The following MFSD8 variants were observed in gnomAD, a reference collection of about 807,000 sequenced individuals.
MFSD8 encodes major facilitator superfamily domain-containing protein 8.
Under a neutral mutation model 66.4 loss-of-function variants are expected in MFSD8, and 55 were observed. The observed-to-expected ratio is 0.83, with a 90% CI of 0.67 to 1.04. The LOEUF is 1.04. Ranked by LOEUF, MFSD8 falls within the 50% of genes least tolerant of loss-of-function variation. The pLI is 0.00. For missense variants in MFSD8, 550 were observed against 627.6 expected, an observed-to-expected ratio of 0.88 and a Z score of 1.32; for synonymous variants, 202 against 212.8, an observed-to-expected ratio of 0.95 and a Z score of 0.44.
intron 7 of MFSD8, chr4:127,934,610 T>C (rs1232593916): frequency 6.8e-6 from 1 of 147,838 alleles, no homozygotes; most frequent in Non-Finnish European, 1.5e-5. Flanking sequence ...GGACGGAGTC[T>C]TGCTCTGTTG....
At chr4:127,938,867 C>G in intron 6 of MFSD8, 29 bp from the exon 7 acceptor site, 3 of 1,537,568 alleles carry the variant, frequency 2.0e-6, no homozygotes, top group Non-Finnish European at 2.7e-6. Context: ...AATATTGTAC[C>G]TATAAAATGC....
chr4:127,933,621 TA>T (rs2148884519), intron 7 of MFSD8: 1 of 153,830 alleles, frequency 6.5e-6, no homozygotes, highest in Admixed American at 6.4e-5. Context: ...TCCCCAGAGA[TA>T]TACTTCAATC....
At chr4:127,964,803 C>T in intron 1 of MFSD8, 1 of 583,594 alleles carries the variant, frequency 1.7e-6, no homozygotes, top group South Asian at 2.0e-5. Flanking sequence ...CACCTCTCAG[C>T]TTGGGTGCTG....
At chr4:127,945,918 CTTTT>C (rs373712196) in intron 3 of MFSD8, among the ~76,000 whole-genome samples, 20 of 133,518 alleles carry the variant, frequency 1.5e-4, no homozygotes, top group African/African-American at 3.6e-4. Context: ...GAAAGCAAAA[CTTTT>C]TTTTTTTTTT....
chr4:127,964,790 T>C lies in MFSD8; in HGVS notation c.62+282A>G, dbSNP rs563327869. Reference sequence around the variant, plus strand: ...AGGGCTGTGAGGACTGCCAGCACGCTGTCACCTCTCAGCTTGGGTGCTGCA... The same window carrying C: ...AGGGCTGTGAGGACTGCCAGCACGCCGTCACCTCTCAGCTTGGGTGCTGCA... On this transcript the variant is annotated intron_variant, in intron 1 of 11. Coordinates refer to ENST00000641686, the MANE Select transcript of MFSD8 (RefSeq NM_001371596.2). 1.1e-5 allele frequency: 6 copies of C among 567,964 alleles called. No homozygotes were observed. The African/African-American group carries it at 1.1e-4, about 11-fold the overall frequency. 35.2% of individuals were successfully genotyped at this position (567,964 alleles called of 1,614,324 possible). A position where few individuals can be genotyped will look rare whatever the true frequency, so the allele number is the denominator to read the frequency against.
intron 1 of MFSD8, among the ~76,000 whole-genome samples, chr4:127,961,996 T>A (rs1054670686): frequency 6.6e-6 from 1 of 152,124 alleles, no homozygotes; most frequent in African/African-American, 2.4e-5. Context: ...TTATCAAAGC[T>A]ATAACAAACA....
At chr4:127,936,115 C>T (rs1324333678) in intron 7 of MFSD8, among the ~76,000 whole-genome samples, 3 of 147,568 alleles carry the variant, frequency 2.0e-5, no homozygotes, top group African/African-American at 5.0e-5. Context: ...TGTATTTATA[C>T]TTTTTTTTTT....
chr4:127,957,577 T>G lies in MFSD8; in HGVS notation c.78A>C (p.Leu26Phe), dbSNP rs770986122. Residue 26 changes from leucine (L) to phenylalanine (F), a missense_variant, in exon 2 of 12, where the codon TTA becomes TTC. Coordinates refer to ENST00000641686, the MANE Select transcript of MFSD8 (RefSeq NM_001371596.2). ...GGCTCTTATAATGCTCTTCAGTCTC[T>G]AAAATGTCCCATTCTCTAGGTGTAA... The part of the protein sequence containing the change: ...DTPGSREWDI[L>F]ETEEHYKSRW... 9.3e-6 allele frequency: 15 copies of G among 1,610,354 alleles called. No individual in the cohort carries two copies. In the East Asian group the frequency reaches 3.4e-4, roughly 36 times the overall value.
intron 1 of MFSD8, 162 bp downstream of exon 1, chr4:127,964,910 T>G (rs561341620): frequency 2.4e-6 from 2 of 825,030 alleles, no homozygotes; most frequent in African/African-American, 3.4e-5. Context: ...TTCTCCTACG[T>G]TGGGAGCGAA....
intron 8 of MFSD8, 109 bp from the exon 9 acceptor site, chr4:127,930,926 C>G: frequency 9.1e-7 from 1 of 1,094,388 alleles, no homozygotes; most frequent in Non-Finnish European, 1.3e-6. Flanking sequence ...AATGTGCATG[C>G]CTTTTAGCAA....
chr4:127,934,002 G>A (rs995295079), intron 7 of MFSD8, among the ~76,000 whole-genome samples: 1 of 152,142 alleles, frequency 6.6e-6, no homozygotes, highest in African/African-American at 2.4e-5. Context: ...CAGGTGGGAG[G>A]CCAGTGCAGG....
intron 1 of MFSD8, among the ~76,000 whole-genome samples, chr4:127,963,269 C>T (rs1482473328): frequency 6.6e-6 from 1 of 152,160 alleles, no homozygotes; most frequent in East Asian, 1.9e-4. Flanking sequence ...TTACTAAGAC[C>T]GATACCTTCA....
At chr4:127,937,908 C>T (rs562864977) in intron 7 of MFSD8, among the ~76,000 whole-genome samples, 196 of 152,212 alleles carry the variant, frequency 1.3e-3, no homozygotes, top group African/African-American at 4.6e-3. Context: ...TTATGAACTA[C>T]TGAGGGCCAG....
intron 8 of MFSD8, among the ~76,000 whole-genome samples, chr4:127,931,980 G>A (rs567655013): frequency 6.6e-5 from 10 of 152,142 alleles, no homozygotes; most frequent in Admixed American, 2.0e-4. Flanking sequence ...GCATGGTGGC[G>A]CATGCCTGTG....
intron 5 of MFSD8, 135 bp from the exon 6 acceptor site, chr4:127,940,132 G>A: frequency 7.9e-6 from 7 of 891,090 alleles, no homozygotes; most frequent in Non-Finnish European, 1.2e-5. Flanking sequence ...CTCAACAGAT[G>A]GAATTGGTTC....
At chr4:127,951,007 C>T (rs556121128) in intron 2 of MFSD8, among the ~76,000 whole-genome samples, 21 of 151,274 alleles carry the variant, frequency 1.4e-4, no homozygotes, top group African/African-American at 4.1e-4. Context: ...TTGTAGTGAG[C>T]CAAGATTGCA....
upstream of MFSD8, chr4:127,965,460 C>G: frequency 2.1e-6 from 1 of 485,558 alleles, no homozygotes; most frequent in Non-Finnish European, 3.8e-6. Context: ...TTTCTCCTTC[C>G]GCTGTATCTA....
intron 3 of MFSD8, chr4:127,945,742 A>C (rs1204545210): frequency 6.6e-6 from 1 of 152,116 alleles, no homozygotes; most frequent in African/African-American, 2.4e-5. Flanking sequence ...AGCCGTTAAA[A>C]TATCTTTCAT....
intron 2 of MFSD8, 131 bp from the exon 3 acceptor site, chr4:127,949,978 T>C: frequency 1.5e-6 from 1 of 658,622 alleles, no homozygotes; most frequent in Non-Finnish European, 2.6e-6. Flanking sequence ...ATGCCTAATT[T>C]ATGAGGCAAT....
Sources: allele counts gnomAD v4.1 joint callset (sites outside exome capture counted in the v4.1 genomes callset), GRCh38; gene constraint gnomAD v4.1.1; transcripts MANE v1.5; gene names NCBI Gene and HGNC (gene_info 2026-07-23, HGNC 2026-07-21).